RYR2: variants seen among roughly 807,000 people sequenced by gnomAD.
The protein encoded by RYR2 is cardiac muscle ryanodine receptor-calcium release channel.
RYR2 carries 227 observed loss-of-function variants against 601.1 expected under a neutral mutation model. The observed-to-expected ratio is 0.38, with a 90% CI of 0.34 to 0.42. The LOEUF (loss-of-function observed/expected upper bound fraction) is 0.42. Ranked by LOEUF, RYR2 falls within the 10% of genes least tolerant of loss-of-function variation. RYR2 has a pLI of 1.00. For missense variants in RYR2, 4,646 were observed against 6,156.5 expected (o/e 0.75, Z 8.21); for synonymous variants, 2,223 against 2,175.1 (o/e 1.02, Z -0.61).
intron 90 of RYR2, among the ~76,000 whole-genome samples, 184 bp from the exon 91 acceptor site, chr1:237,785,785 G>C (rs2149359390): frequency 6.6e-6 from 1 of 152,324 alleles, no homozygotes; most frequent in Non-Finnish European, 1.5e-5. Flanking sequence ...CAGTAGGTCA[G>C]TGTGCAGAAG....
rs1677739921 is a variant in RYR2, at chr1:237,610,658, A to G, written c.4684-104A>G. The stretch of plus-strand genomic sequence containing the variant: ...TTGACTTTGCTTGACTCATAGGGTT[A>G]TCTTACTTTCCCTGTCTCTGTCCTG... On this transcript the variant is annotated intron_variant, in intron 35 of 104. Coordinates refer to ENST00000366574, the MANE Select transcript of RYR2 (RefSeq NM_001035.3). The surrounding 1 kb of genome is among the most constrained non-coding windows in gnomAD (Gnocchi z 4.9). The G allele has an allele frequency of 6.4e-6, 6 of 933,274 alleles. No individual in the cohort carries two copies. The highest frequency in any genetic ancestry group is 8.0e-6 in the Non-Finnish European group (5 of 622,858). 57.8% of individuals were successfully genotyped at this position (933,274 alleles called of 1,614,324 possible).
chr1:237,614,918 TTC>T lies in RYR2; in HGVS notation c.5715+79_5715+80del, dbSNP rs1472249275. The T allele has an allele frequency of 7.2e-7, 1 of 1,389,014 alleles. No individual in the cohort carries two copies. Among genetic ancestry groups the T allele is most frequent in the Non-Finnish European group, 9.7e-7 (1 of 1,033,402 alleles). 86.0% of individuals were successfully genotyped at this position (1,389,014 alleles called of 1,614,324 possible). A position where few individuals can be genotyped will look rare whatever the true frequency, so the allele number is the denominator to read the frequency against. On this transcript the variant is annotated intron_variant, in intron 37 of 104. Transcript: ENST00000366574. This position sits in a 1 kb window ranked among gnomAD's most constrained non-coding sequence, Gnocchi z 4.3. ...GGTATTAGAACATGCCTTTGTTTCT[TTC>T]TCTGTGTGTGTGTTTATTTCTTTGC... is the stretch of plus-strand genomic sequence containing the variant.
At chr1:237,067,486 C>T (rs968607287) in intron 1 of RYR2, among the ~76,000 whole-genome samples, 28 of 152,136 alleles carry the variant, frequency 1.8e-4, no homozygotes, top group South Asian at 4.1e-4. Context: ...CCGCTTCATT[C>T]GTCTATGTGT....
At chr1:237,203,546 C>G (rs1486149010) in intron 1 of RYR2, among the ~76,000 whole-genome samples, 1 of 152,098 alleles carries the variant, frequency 6.6e-6, no homozygotes, top group Non-Finnish European at 1.5e-5. Context: ...ATAATCTATA[C>G]AATTATTTGC....
intron 17 of RYR2, among the ~76,000 whole-genome samples, chr1:237,484,847 A>G (rs1162450465): frequency 6.6e-6 from 1 of 152,194 alleles, no homozygotes; most frequent in Non-Finnish European, 1.5e-5. Flanking sequence ...CCATCACAGC[A>G]CTTGGCCACA....
At chr1:237,645,258 C>CAA (rs1289214094) in intron 48 of RYR2, among the ~76,000 whole-genome samples, 1 of 152,080 alleles carries the variant, frequency 6.6e-6, no homozygotes, top group African/African-American at 2.4e-5. Flanking sequence ...TACAAGGTGG[C>CAA]AAAACTACCA....
intron 101 of RYR2, among the ~76,000 whole-genome samples, chr1:237,826,932 C>T (rs959138692): frequency 1.6e-4 from 25 of 152,176 alleles, no homozygotes; most frequent in Admixed American, 7.9e-4. Flanking sequence ...CCTTCAACCA[C>T]GGTGCTGTAT....
chr1:237,419,301 TA>T (rs538324984), intron 11 of RYR2, among the ~76,000 whole-genome samples: 1,858 of 149,148 alleles, frequency 0.012, 32 homozygotes, highest in African/African-American at 0.036. Flanking sequence ...TATTTTTGGT[TA>T]AAAAAAAAAC....
chr1:237,694,528 G>T (rs1034150885), intron 63 of RYR2, among the ~76,000 whole-genome samples: 5 of 151,890 alleles, frequency 3.3e-5, no homozygotes, highest in African/African-American at 1.2e-4. Context: ...CTATTTCCTG[G>T]ATTTAACTTA....
At chr1:237,373,850 T>G (rs1700825924) in intron 6 of RYR2, among the ~76,000 whole-genome samples, 3 of 152,176 alleles carry the variant, frequency 2.0e-5, no homozygotes, top group South Asian at 4.1e-4. Flanking sequence ...GTTAAACATT[T>G]TTAAATGGAA....
At chr1:237,629,516 G>C (rs1680032580) in intron 41 of RYR2, among the ~76,000 whole-genome samples, 1 of 151,934 alleles carries the variant, frequency 6.6e-6, no homozygotes, top group African/African-American at 2.4e-5. Flanking sequence ...ATGTTAAACA[G>C]TGATTAGAAG....
intron 85 of RYR2, among the ~76,000 whole-genome samples, chr1:237,771,170 G>A (rs1573884153): frequency 6.6e-6 from 1 of 152,276 alleles, no homozygotes; most frequent in East Asian, 1.9e-4. Flanking sequence ...CACTTTGGGA[G>A]GCCGAGGTGG....
At chr1:237,810,435 A>G (rs868390301) in intron 100 of RYR2, among the ~76,000 whole-genome samples, 3 of 152,216 alleles carry the variant, frequency 2.0e-5, no homozygotes, top group Non-Finnish European at 4.4e-5. Flanking sequence ...CTTTTTACCT[A>G]TCAGGTTTGC....
In RYR2 at chr1:237,680,545, T is replaced by C; in HGVS notation, c.8985T>C (p.His2995=). 6.2e-7 allele frequency: 1 copy of C among 1,606,290 alleles called. No homozygotes were observed. Among genetic ancestry groups the C allele is most frequent in the Non-Finnish European group, 8.5e-7 (1 of 1,175,462 alleles). The stretch of plus-strand genomic sequence containing the variant: ...GCAGACCTCTCTGCTCTGGAGGACA[T>C]GCTTCCAACAAAGAGAAAGAAATGG... ...AASRPLCSGG[H]ASNKEKEMVT... is the part of the protein sequence containing the mutation. The change falls in exon 62 of 105, where the codon CAT becomes CAC. Residue 2995 remains histidine, a synonymous_variant. Transcript: ENST00000366574.
chr1:237,555,988 A>G (rs1347607768), intron 27 of RYR2, among the ~76,000 whole-genome samples: 3 of 152,176 alleles, frequency 2.0e-5, no homozygotes, highest in African/African-American at 7.2e-5. Context: ...TCAGTGACAC[A>G]TGATACATTT....
At chr1:237,794,397 G>T (rs935750672) in intron 95 of RYR2, among the ~76,000 whole-genome samples, 2 of 152,158 alleles carry the variant, frequency 1.3e-5, no homozygotes, top group Admixed American at 6.5e-5. Flanking sequence ...TTTACACCTT[G>T]AATATATCTG....
chr1:237,458,990 G>C (rs1433485473), intron 16 of RYR2, among the ~76,000 whole-genome samples: 1 of 152,174 alleles, frequency 6.6e-6, no homozygotes, highest in Non-Finnish European at 1.5e-5. Context: ...TGCCATTTCT[G>C]AGAACAGGAC....
intron 1 of RYR2, among the ~76,000 whole-genome samples, chr1:237,242,808 G>A (rs1686348361): frequency 6.6e-6 from 1 of 152,190 alleles, no homozygotes; most frequent in Admixed American, 6.5e-5. Context: ...ATTTACTCGA[G>A]TTACTGATGA....
At chr1:237,446,475 G>A (rs1015121641) in intron 14 of RYR2, among the ~76,000 whole-genome samples, 38 of 152,170 alleles carry the variant, frequency 2.5e-4, no homozygotes, top group African/African-American at 8.7e-4. Flanking sequence ...ATCATAAGTT[G>A]CAAACCTTTT....
Sources: gnomAD v4.1 joint callset for allele counts (sites outside exome capture counted in the v4.1 genomes callset) on GRCh38, gnomAD v4.1.1 for gene constraint, Gnocchi (gnomAD v3.1) non-coding constraint, MANE v1.5 for transcripts, NCBI Gene and HGNC (gene_info 2026-07-23, HGNC 2026-07-21) for gene names.